LIPA: variants seen among roughly 807,000 people sequenced by gnomAD.
LIPA encodes the protein lysosomal acid lipase/cholesteryl ester hydrolase.
Under a neutral mutation model 40.6 loss-of-function variants are expected in LIPA, and 26 were observed. The observed-to-expected ratio is 0.64, with a 90% CI of 0.47 to 0.89. LIPA has a LOEUF of 0.89. LIPA is among the 40% of genes least tolerant of loss of function. LIPA has a pLI of 0.00. For synonymous variants in LIPA, 188 were observed against 168.4 expected, an observed-to-expected ratio of 1.12 and a Z score of -0.90; for missense variants, 455 against 479.6, an observed-to-expected ratio of 0.95 and a Z score of 0.48.
At chr10:89,296,602 C>T (rs1843416926) in intron 1 of LIPA, among the ~76,000 whole-genome samples, 1 of 151,950 alleles carries the variant, frequency 6.6e-6, no homozygotes, top group African/African-American at 2.4e-5. Context: ...CTTAGCTGTG[C>T]ATCCTAATCA....
chr10:89,393,420 A>G, intron 2 of LIPA: 1 of 689,674 alleles, frequency 1.4e-6, no homozygotes, highest in Non-Finnish European at 2.0e-6. Flanking sequence ...TAATGTGGGA[A>G]TTTCTCAGCT....
intron 1 of LIPA, chr10:89,306,896 GA>G: frequency 1.9e-6 from 3 of 1,614,006 alleles, no homozygotes; most frequent in Non-Finnish European, 1.7e-6. Context: ...AAAGTTACTG[GA>G]ACTAATAGGA....
At chr10:89,322,156 C>T (rs1023324378) in intron 1 of LIPA, among the ~76,000 whole-genome samples, 7 of 152,132 alleles carry the variant, frequency 4.6e-5, no homozygotes, top group Non-Finnish European at 1.0e-4. Context: ...CAACATGGCA[C>T]AAGTATACAT....
rs76928438 is a variant in LIPA at position 89,396,186 on chromosome 10, C to T, written c.61+16605G>A. On this transcript the variant is annotated intron_variant, in intron 2 of 8. Transcript: ENST00000371837. ...ATTGAGGAACCACCACATTGTTTTC[C>T]ACAGCAGCTGCATCATTTTACATTC... 9.3e-3 allele frequency among the ~76,000 whole-genome samples: 1,421 copies of T among 152,234 alleles called. 25 individuals carry two copies. Among genetic ancestry groups the T allele is most frequent in the African/African-American group, 0.033 (1,367 of 41,510 alleles).
chr10:89,215,908 C>T (rs769522984), intron 9 of LIPA, 30 bp downstream of exon 9: 8 of 1,416,244 alleles, frequency 5.6e-6, no homozygotes, highest in Non-Finnish European at 8.0e-6. Context: ...TTTTCAGGGC[C>T]CCCTTTAATG....
intron 2 of LIPA, chr10:89,402,151 ATTAACT>A: frequency 3.1e-6 from 2 of 652,906 alleles, no homozygotes; most frequent in Non-Finnish European, 5.2e-6. Context: ...TTAAAAATAC[ATTAACT>A]TTAATGAAAC....
At chr10:89,342,961 C>G (rs1843885724), upstream of LIPA, among the ~76,000 whole-genome samples, 1 of 152,160 alleles carries the variant, frequency 6.6e-6, no homozygotes, top group African/African-American at 2.4e-5. Context: ...CATGGGAAGT[C>G]TACTGACCTG....
chr10:89,327,010 T>C (rs1012247646), intron 1 of LIPA, among the ~76,000 whole-genome samples: 1 of 152,224 alleles, frequency 6.6e-6, no homozygotes, highest in African/African-American at 2.4e-5. Flanking sequence ...GTGGGACAAT[T>C]GGAAACAGGG....
chr10:89,321,084 T>C (rs61853140), intron 1 of LIPA, among the ~76,000 whole-genome samples: 5,653 of 145,430 alleles, frequency 0.039, 302 homozygotes, highest in African/African-American at 0.13. Flanking sequence ...GGATTAAAGA[T>C]TTAAATGTTA....
intron 1 of LIPA, among the ~76,000 whole-genome samples, chr10:89,413,241 ATTAAC>A (rs1404900425): frequency 4.6e-5 from 7 of 152,230 alleles, no homozygotes; most frequent in African/African-American, 1.2e-4. Flanking sequence ...TAAGTTTTCT[ATTAAC>A]TTATCAGTTT....
upstream of LIPA, among the ~76,000 whole-genome samples, chr10:89,256,495 A>C (rs1223662146): frequency 6.6e-6 from 1 of 152,232 alleles, no homozygotes. Context: ...GAAGAAAGAA[A>C]TTTCATGAAA....
chr10:89,410,770 A>G (rs1391607782), intron 2 of LIPA, among the ~76,000 whole-genome samples: 5 of 152,244 alleles, frequency 3.3e-5, no homozygotes, highest in Admixed American at 3.3e-4. Flanking sequence ...GAGTTATTGC[A>G]CGCGGTGCAA....
intron 1 of LIPA, among the ~76,000 whole-genome samples, chr10:89,336,265 A>G (rs575820055): frequency 1.1e-4 from 17 of 152,080 alleles, no homozygotes; most frequent in African/African-American, 2.9e-4. Flanking sequence ...GAAGGACCCT[A>G]TAATAGACAG....
intron 1 of LIPA, among the ~76,000 whole-genome samples, chr10:89,326,402 T>C (rs72814787): frequency 0.15 from 22,342 of 151,764 alleles, 2,264 homozygotes; most frequent in Non-Finnish European, 0.21. Flanking sequence ...ATTGAACTTA[T>C]GGAGATAGAG....
chr10:89,222,526 C>G lies in LIPA; in HGVS notation c.879G>C (p.Met293Ile). The G allele has an allele frequency of 1.9e-6, 3 of 1,609,774 alleles. No homozygotes were observed. The highest frequency in any genetic ancestry group is 2.6e-6 in the Non-Finnish European group (3 of 1,175,996). Residue 293 changes from methionine to isoleucine, a missense_variant, in exon 8 of 10, where the codon ATG becomes ATC. Physicochemically the swap from Met to Ile is conservative, Grantham distance 10. Transcript: ENST00000336233. The part of the protein sequence containing the change: ...HSPAGTSVQN[M>I]LHWSQAVKFQ... ...GAATGCCTACCTGGCTCCAGTGTAA[C>G]ATGTTTTGCACAGAAGTTCCAGCAG...
chr10:89,314,365 G>A (rs1465635016), intron 1 of LIPA, among the ~76,000 whole-genome samples: 1 of 152,232 alleles, frequency 6.6e-6, no homozygotes, highest in African/African-American at 2.4e-5. Context: ...ATGTGTACAA[G>A]TTTAAGAATA....
At chr10:89,219,920 T>C (rs111732611) in intron 8 of LIPA, among the ~76,000 whole-genome samples, 2,002 of 152,374 alleles carry the variant, frequency 0.013, 16 homozygotes, top group Non-Finnish European at 0.021. Context: ...CCAGGGTAGT[T>C]AGAATCTAAA....
chr10:89,274,697 G>C (rs1174522439), intron 1 of LIPA, among the ~76,000 whole-genome samples: 1 of 152,094 alleles, frequency 6.6e-6, no homozygotes, highest in Non-Finnish European at 1.5e-5. Flanking sequence ...CCTAATCCTT[G>C]AACAATGACA....
At chr10:89,306,460 G>A (rs752883805) in intron 1 of LIPA, 1 of 1,614,126 alleles carries the variant, frequency 6.2e-7, no homozygotes, top group Non-Finnish European at 8.5e-7. Flanking sequence ...TGGAAAAGAA[G>A]CCAAAGAACC....
Sources: gnomAD v4.1 joint callset for allele counts (sites outside exome capture counted in the v4.1 genomes callset) on GRCh38, gnomAD v4.1.1 for gene constraint, MANE v1.5 for transcripts, NCBI Gene and HGNC (gene_info 2026-07-23, HGNC 2026-07-21) for gene names.